Variants in DMD observed in about 807,000 individuals in gnomAD.
DMD encodes the protein dystrophin, also known as mutant dystrophin.
In DMD, 63 loss-of-function variants were observed where a neutral mutation model predicts 330.1. That is an observed-to-expected ratio of 0.19 (90% CI 0.16 to 0.24). The LOEUF (loss-of-function observed/expected upper bound fraction) is 0.24, where lower values mean the gene tolerates loss of function less well. Ranked by LOEUF, DMD falls within the 10% of genes least tolerant of loss-of-function variation. DMD has a pLI of 1.00. For synonymous variants in DMD, 1,223 were observed against 959.8 expected (o/e 1.27, Z -5.07); for missense variants, 3,344 against 2,684.1 (o/e 1.25, Z -5.43).
At chrX:31,733,205 A>T (rs1384510221) in intron 51 of DMD, among the ~76,000 whole-genome samples, 2 of 111,737 alleles carry the variant, frequency 1.8e-5, no homozygotes, top group African/African-American at 6.5e-5. Flanking sequence ...AGTTGAGTGA[A>T]GTGGTTATAA....
chrX:31,645,298 G>GA (rs201371738), intron 54 of DMD, among the ~76,000 whole-genome samples: 3,427 of 108,897 alleles, frequency 0.031, 141 homozygotes, highest in African/African-American at 0.11. Context: ...GAAGTCTCAG[G>GA]AAAAAAAAAG....
chrX:32,961,968 C>T (rs1448673027), intron 2 of DMD, among the ~76,000 whole-genome samples: 6 of 111,618 alleles, frequency 5.4e-5, no homozygotes, highest in Non-Finnish European at 9.4e-5. Flanking sequence ...ACTTCAGTTT[C>T]CTTAATAATT....
At chrX:32,571,762 A>G (rs1309690056) in intron 15 of DMD, among the ~76,000 whole-genome samples, 1 of 111,535 alleles carries the variant, frequency 9.0e-6, no homozygotes, top group East Asian at 2.8e-4. Flanking sequence ...TGTTAGGGCT[A>G]ATAACCCTCC....
intron 44 of DMD, among the ~76,000 whole-genome samples, chrX:32,069,807 C>G (rs1476944152): frequency 9.0e-6 from 1 of 111,648 alleles, no homozygotes; most frequent in Non-Finnish European, 1.9e-5. Flanking sequence ...CCTCTGAACA[C>G]TGTTCTTCTA....
chrX:32,503,368 C>T (rs369745029), intron 18 of DMD, among the ~76,000 whole-genome samples: 9 of 111,528 alleles, frequency 8.1e-5, no homozygotes, highest in Non-Finnish European at 1.5e-4. Flanking sequence ...CCAGCCTGGG[C>T]GACAGAGGGA....
At chrX:32,399,608 G>A (rs984517874) in intron 30 of DMD, among the ~76,000 whole-genome samples, 2 of 111,008 alleles carry the variant, frequency 1.8e-5, no homozygotes, top group East Asian at 5.7e-4. Context: ...ATGGAGAAAA[G>A]GGAACCCTCA....
intron 62 of DMD, among the ~76,000 whole-genome samples, chrX:31,300,917 T>A (rs1300970456): frequency 8.9e-6 from 1 of 112,263 alleles, no homozygotes; most frequent in Non-Finnish European, 1.9e-5. Flanking sequence ...ACAGATAAAT[T>A]AATGACTTTT....
intron 53 of DMD, among the ~76,000 whole-genome samples, chrX:31,658,919 T>C (rs1432183746): frequency 8.9e-6 from 1 of 112,046 alleles, no homozygotes; most frequent in Non-Finnish European, 1.9e-5. Context: ...ATTAAGATAA[T>C]ACTAATTGTT....
At chrX:31,431,974 C>G (rs1475111671) in intron 60 of DMD, among the ~76,000 whole-genome samples, 1 of 109,413 alleles carries the variant, frequency 9.1e-6, no homozygotes, top group Non-Finnish European at 1.9e-5. Context: ...GTCACCATGC[C>G]TGGCTAATTT....
chrX:32,089,322 A>C, intron 44 of DMD, among the ~76,000 whole-genome samples: 1 of 111,685 alleles, frequency 9.0e-6, no homozygotes, highest in East Asian at 2.8e-4. Context: ...GTACACGTGC[A>C]GGTTTGCTAT....
chrX:32,706,632 A>G (rs1473399485), intron 7 of DMD, among the ~76,000 whole-genome samples: 2 of 111,788 alleles, frequency 1.8e-5, no homozygotes, highest in Non-Finnish European at 3.8e-5. Context: ...GCTTGCCTAG[A>G]GCATAACAGG....
At chrX:33,142,371 C>T (rs2047838807) in intron 1 of DMD, among the ~76,000 whole-genome samples, 1 of 113,162 alleles carries the variant, frequency 8.8e-6, no homozygotes, top group East Asian at 2.8e-4. Context: ...AGGCGTGAGC[C>T]GCTGTGCCCG....
intron 2 of DMD, among the ~76,000 whole-genome samples, chrX:32,874,779 G>A (rs755306392): frequency 1.3e-4 from 14 of 111,327 alleles, no homozygotes; most frequent in Admixed American, 1.1e-3. Flanking sequence ...CTCACTCTGG[G>A]AGCCCTAAGA....
intron 51 of DMD, among the ~76,000 whole-genome samples, chrX:31,734,187 T>C (rs1044310853): frequency 5.4e-5 from 6 of 111,021 alleles, no homozygotes; most frequent in African/African-American, 6.5e-5. Flanking sequence ...TCTGTGTGTA[T>C]AGATATATAA....
At chrX:31,254,204 A>G (rs1410960010) in intron 63 of DMD, among the ~76,000 whole-genome samples, 1 of 111,999 alleles carries the variant, frequency 8.9e-6, no homozygotes, top group Non-Finnish European at 1.9e-5. Flanking sequence ...TCCTATTTTT[A>G]CCTACATGTC....
chrX:31,250,688 C>T (rs1049364122), intron 63 of DMD, among the ~76,000 whole-genome samples: 4 of 111,472 alleles, frequency 3.6e-5, no homozygotes, highest in African/African-American at 1.3e-4. Context: ...CAGACGAGGT[C>T]AAGTGTTGTT....
chrX:32,554,286 G>C (rs949833537), intron 16 of DMD, among the ~76,000 whole-genome samples: 4 of 110,912 alleles, frequency 3.6e-5, no homozygotes, highest in Non-Finnish European at 7.6e-5. Context: ...AGGAGATAAA[G>C]ACATGAAAAA....
intron 5 of DMD, among the ~76,000 whole-genome samples, chrX:32,817,755 G>A (rs181403943): frequency 1.1e-3 from 124 of 111,604 alleles, no homozygotes; most frequent in African/African-American, 3.9e-3. Flanking sequence ...AAATGCCTTT[G>A]GGGTAAATGC....
intron 1 of DMD, among the ~76,000 whole-genome samples, chrX:33,287,840 A>T (rs2053456121): frequency 9.0e-6 from 1 of 111,278 alleles, no homozygotes; most frequent in Non-Finnish European, 1.9e-5. Flanking sequence ...TCATCAGGCA[A>T]TCCTTTATGA....
Sources: allele counts gnomAD v4.1 joint callset (sites outside exome capture counted in the v4.1 genomes callset), GRCh38; gene constraint gnomAD v4.1.1; transcripts MANE v1.5; gene names NCBI Gene and HGNC (gene_info 2026-07-23, HGNC 2026-07-21).